The following FAAH2 variants were observed in gnomAD, a reference collection of about 807,000 sequenced individuals.
FAAH2 encodes the protein fatty acid amide hydrolase 2, also known as fatty-acid amide hydrolase 2.
FAAH2 carries 60 observed loss-of-function variants against 36.9 expected under a neutral mutation model. The ratio of observed to expected loss-of-function variants is 1.63; its 90% CI spans 1.32 to 2.02. The LOEUF (loss-of-function observed/expected upper bound fraction) is 2.02. FAAH2 is among the 30% of genes most tolerant of loss of function. The pLI is 0.00. For synonymous variants in FAAH2, 214 were observed against 143.8 expected, an observed-to-expected ratio of 1.49 and a Z score of -3.49; for missense variants, 689 against 397.5, an observed-to-expected ratio of 1.73 and a Z score of -6.23.
At chrX:57,276,853 T>G in the FAAH2 span, among the ~76,000 whole-genome samples, 118 of 111,398 alleles carry the variant, frequency 1.1e-3, no homozygotes, top group South Asian at 1.9e-3. Context: ...TGAACACATA[T>G]ACCCTCCCAA....
chrX:57,213,517 G>A, the FAAH2 span, among the ~76,000 whole-genome samples: 2 of 110,930 alleles, frequency 1.8e-5, no homozygotes, highest in African/African-American at 3.3e-5. Flanking sequence ...AGAATTTTTG[G>A]TATTTTGTGG....
At chrX:57,295,748 A>T (rs1160027824) in intron 2 of FAAH2, among the ~76,000 whole-genome samples, 1 of 111,686 alleles carries the variant, frequency 9.0e-6, no homozygotes, top group Non-Finnish European at 1.9e-5. Flanking sequence ...AAATCGGGTC[A>T]CTCCCACCCT....
intron 3 of FAAH2, among the ~76,000 whole-genome samples, chrX:57,318,787 CT>C (rs1438833664): frequency 2.7e-5 from 3 of 111,959 alleles, no homozygotes; most frequent in African/African-American, 9.7e-5. Flanking sequence ...TACTGGCAAA[CT>C]GAATCCAGCA....
the FAAH2 span, among the ~76,000 whole-genome samples, chrX:57,207,693 C>A: frequency 8.9e-6 from 1 of 112,546 alleles, no homozygotes; most frequent in Non-Finnish European, 1.9e-5. Context: ...GAATCAATGA[C>A]TCCTGTTTGT....
intron 8 of FAAH2, among the ~76,000 whole-genome samples, chrX:57,439,016 G>A (rs191811334): frequency 3.6e-5 from 4 of 110,923 alleles, no homozygotes; most frequent in African/African-American, 9.8e-5. Context: ...GGACATTTGG[G>A]TTGGTTCCAA....
chrX:57,396,756 T>C (rs765004259), intron 7 of FAAH2, among the ~76,000 whole-genome samples: 22 of 111,873 alleles, frequency 2.0e-4, no homozygotes, highest in African/African-American at 6.8e-4. Context: ...GCCAAGCATG[T>C]AGTTAATTTG....
At chrX:57,139,497 C>T in the FAAH2 span, among the ~76,000 whole-genome samples, 1 of 111,408 alleles carries the variant, frequency 9.0e-6, no homozygotes. Context: ...GAGTCTTGCT[C>T]AGCTGGAGTG....
At chrX:57,216,929 C>T in the FAAH2 span, among the ~76,000 whole-genome samples, 1 of 108,443 alleles carries the variant, frequency 9.2e-6, no homozygotes, top group South Asian at 4.1e-4. Flanking sequence ...CTCATTTACA[C>T]CAACATCTAC....
chrX:57,442,871 C>T lies in FAAH2; in HGVS notation c.1117-4057C>T, dbSNP rs999399203. ...TTTCATTTCTCCTTCACTTATGAAGCTTAGTTTGGCTGGATATGAAATTCT... is the reference window on the plus strand; with the variant it reads ...TTTCATTTCTCCTTCACTTATGAAGTTTAGTTTGGCTGGATATGAAATTCT... On this transcript the variant is annotated intron_variant, in intron 8 of 10. Coordinates refer to ENST00000374900, the MANE Select transcript of FAAH2 (RefSeq NM_174912.4). 1.7e-3 allele frequency among the ~76,000 whole-genome samples: 191 copies of T among 110,791 alleles called. 1 individual carries two copies. The highest frequency in any genetic ancestry group is 5.9e-3 in the African/African-American group (181 of 30,454).
intron 2 of FAAH2, among the ~76,000 whole-genome samples, chrX:57,306,677 G>A (rs1282999667): frequency 1.2e-5 from 1 of 82,863 alleles, no homozygotes. Flanking sequence ...AGTACAACGA[G>A]ACTAGCAACA....
the FAAH2 span, among the ~76,000 whole-genome samples, chrX:57,199,259 C>T: frequency 5.4e-5 from 6 of 110,728 alleles, no homozygotes; most frequent in Non-Finnish European, 1.1e-4. Flanking sequence ...TTTGCTGTAT[C>T]CCATAGGTCT....
At chrX:57,316,170 A>T (rs779489960) in intron 3 of FAAH2, among the ~76,000 whole-genome samples, 14 of 111,503 alleles carry the variant, frequency 1.3e-4, no homozygotes, top group African/African-American at 4.5e-4. Context: ...ATAGAGCTAA[A>T]CAAGGAGGTG....
rs1218617071 is a variant in FAAH2 at position 57,431,771 on chromosome X, G to GTTTTTTTTTTTTTTTTTTTTTTTTTTTT, written c.997-140_997-139insTTTTTTTTTTTTTTTTTTTTTTTTTTTT. ...TGTTTTGTTTTGTTTTTGTTTTTTT[G>GTTTTTTTTTTTTTTTTTTTTTTTTTTTT]TTTTTTTGTTTTTTTGTTTTTTTTG... On this transcript the variant is annotated intron_variant, in intron 7 of 10. Transcript: ENST00000374900. 10 of 202,006 alleles carry GTTTTTTTTTTTTTTTTTTTTTTTTTTTT rather than the reference G, an allele frequency of 5.0e-5. No homozygotes were observed. The African/African-American group carries it at 5.0e-4, about 10-fold the overall frequency. The allele number at this position is 202,006 out of a possible 1,213,427, so 16.6% of individuals were successfully genotyped here.
intron 5 of FAAH2, among the ~76,000 whole-genome samples, chrX:57,352,139 T>C (rs191119117): frequency 0.16 from 8,779 of 55,803 alleles, 1,715 homozygotes; most frequent in Middle Eastern, 0.35. Context: ...TATATATGTG[T>C]ATATATATGC....
In FAAH2 at chrX:57,352,099, T is replaced by TATATATATGTGTATATATATGCAC. The variant is rs2054033730; in HGVS notation, c.742+10718_742+10741dup. Among the ~76,000 whole-genome samples, 2 of 14,755 alleles carry TATATATATGTGTATATATATGCAC rather than the reference T, an allele frequency of 1.4e-4. 1 individual carries two copies. The highest frequency in any genetic ancestry group is 6.1e-4 in the African/African-American group (2 of 3,266). The allele number at this position is 14,755 out of a possible 115,157, so 12.8% of individuals were successfully genotyped here. A position where few individuals can be genotyped will look rare whatever the true frequency, so the allele number is the denominator to read the frequency against. On this transcript the variant is annotated intron_variant, in intron 5 of 10. Coordinates refer to ENST00000374900, the MANE Select transcript of FAAH2 (RefSeq NM_174912.4). ...ATATATGTGTATATATATGCACATA[T>TATATATATGTGTATATATATGCAC]ATATATATGTGTATATATATGCACA...
the FAAH2 span, chrX:57,137,087 C>T: frequency 1.3e-6 from 1 of 785,449 alleles, no homozygotes; most frequent in East Asian, 1.2e-4. Flanking sequence ...ACCCCCTTTC[C>T]CTGTCGTCCA....
At position 57,482,878 on chromosome X, in the gene FAAH2, C is replaced by T. The variant is rs751252978; in HGVS notation, c.1424-5879C>T. ...TTTGGGATTTTTGCAGAGAAGTCCA[C>T]TCTTAGCCTGATTGGTTTTGTTTTA... On this transcript the variant is annotated intron_variant, in intron 10 of 10. Coordinates refer to ENST00000374900, the MANE Select transcript of FAAH2 (RefSeq NM_174912.4). Among the ~76,000 whole-genome samples, 36 of 110,137 alleles carry T rather than the reference C, an allele frequency of 3.3e-4. 1 individual carries two copies. Among genetic ancestry groups the T allele is most frequent in the Admixed American group, 3.2e-3 (33 of 10,258 alleles).
intron 7 of FAAH2, among the ~76,000 whole-genome samples, chrX:57,388,238 C>T (rs181287449): frequency 4.1e-4 from 45 of 110,938 alleles, no homozygotes; most frequent in African/African-American, 1.4e-3. Flanking sequence ...CTTTCAGGTT[C>T]AATATAAAGA....
chrX:57,383,679 C>G (rs1453944558), intron 7 of FAAH2, among the ~76,000 whole-genome samples: 1 of 111,686 alleles, frequency 9.0e-6, no homozygotes, highest in East Asian at 2.8e-4. Context: ...AAAGAGGATA[C>G]AAACAACTGG....
Sources: allele counts gnomAD v4.1 joint callset (sites outside exome capture counted in the v4.1 genomes callset), GRCh38; gene constraint gnomAD v4.1.1; transcripts MANE v1.5; gene names NCBI Gene and HGNC (gene_info 2026-07-23, HGNC 2026-07-21).